Variants in NRAP observed in about 807,000 individuals in gnomAD.
The protein encoded by NRAP is nebulin related anchoring protein.
Under a neutral mutation model 225.9 loss-of-function variants are expected in NRAP, and 189 were observed. That is an observed-to-expected ratio of 0.84 (90% CI 0.74 to 0.94). The LOEUF is 0.94. Ranked by LOEUF, NRAP falls within the 40% of genes least tolerant of loss-of-function variation. The pLI, the probability that NRAP is intolerant of heterozygous loss-of-function variation, is 0.00. For missense variants in NRAP, 2,176 were observed against 2,168.7 expected (o/e 1.00, Z -0.07); for synonymous variants, 769 against 790.7 (o/e 0.97, Z 0.46).
intron 4 of NRAP, among the ~76,000 whole-genome samples, chr10:113,656,419 C>T (rs1162572848): frequency 2.0e-5 from 3 of 152,186 alleles, no homozygotes; most frequent in African/African-American, 4.8e-5. Flanking sequence ...GCAAGCTGTA[C>T]TCTGACCACC....
At chr10:113,589,168 C>A in intron 41 of NRAP, 89 bp from the exon 42 acceptor site, 1 of 1,049,122 alleles carries the variant, frequency 9.5e-7, no homozygotes. Flanking sequence ...CTAAGAAGCA[C>A]AGGGAGCATT....
chr10:113,660,100 TATACATAC>T (rs57098997), intron 3 of NRAP, among the ~76,000 whole-genome samples: 1 of 149,996 alleles, frequency 6.7e-6, no homozygotes, highest in African/African-American at 2.4e-5. Flanking sequence ...TATACACATA[TATACATAC>T]ATACATACAT....
chr10:113,661,510 A>G (rs987181219), intron 3 of NRAP, among the ~76,000 whole-genome samples: 1 of 152,118 alleles, frequency 6.6e-6, no homozygotes, highest in African/African-American at 2.4e-5. Context: ...GTAAAGAGGG[A>G]TCACTAGAGA....
chr10:113,589,899 T>C lies in NRAP; in HGVS notation c.4957-102A>G. 4.6e-6 allele frequency: 6 copies of C among 1,318,384 alleles called. No individual in the cohort carries two copies. The East Asian group carries it at 7.0e-5, about 15-fold the overall frequency. 81.7% of individuals were successfully genotyped at this position (1,318,384 alleles called of 1,614,324 possible). ...AAAAGGCAGCCACAGTATGAGACTA[T>C]GTTGTCTGTCATCAGTAAAGCCAGA... On this transcript the variant is annotated intron_variant, in intron 40 of 41. Coordinates refer to ENST00000359988, the MANE Select transcript of NRAP (RefSeq NM_198060.4).
chr10:113,610,373 A>T (rs1238273333), intron 31 of NRAP, 86 bp downstream of exon 31: 15 of 648,744 alleles, frequency 2.3e-5, no homozygotes, highest in Non-Finnish European at 3.0e-5. Context: ...AAAAAAAAAA[A>T]GGAAGAAAGA....
Position 113,590,736 on chromosome 10 carries a change from A to C in NRAP, c.4798T>G (p.Phe1600Val). The C allele has an allele frequency of 6.2e-7, 1 of 1,614,184 alleles. No individual in the cohort carries two copies. Among genetic ancestry groups the C allele is most frequent in the Non-Finnish European group, 8.5e-7 (1 of 1,180,016 alleles). Residue 1600 changes from phenylalanine (F) to valine (V), a missense_variant, in exon 40 of 42, where the codon TTT becomes GTT. Physicochemically the swap from Phe to Val is conservative, Grantham distance 50. Coordinates refer to ENST00000359988, the MANE Select transcript of NRAP (RefSeq NM_198060.4). ...KKDFAKSRSQ[F>V]HSSTDQPGLL... ...CCGGGCTGGTCTGTGCTGCTGTGAA[A>C]CTGGGACCGACTCTTGGCAAAGTCC...
intron 26 of NRAP, among the ~76,000 whole-genome samples, chr10:113,616,828 A>T (rs1165043564): frequency 6.6e-6 from 1 of 152,206 alleles, no homozygotes; most frequent in African/African-American, 2.4e-5. Flanking sequence ...TCAGCCAAAC[A>T]GGGTTAATCT....
At chr10:113,602,242 A>G (rs1327845591) in intron 35 of NRAP, among the ~76,000 whole-genome samples, 1 of 152,218 alleles carries the variant, frequency 6.6e-6, no homozygotes, top group Non-Finnish European at 1.5e-5. Context: ...ATGGACACAC[A>G]GTGACAGAGC....
chr10:113,641,839 T>G (rs1458093190), intron 12 of NRAP, among the ~76,000 whole-genome samples: 1 of 152,210 alleles, frequency 6.6e-6, no homozygotes. Flanking sequence ...GGACGTCACA[T>G]GCAAAGCCCC....
intron 4 of NRAP, among the ~76,000 whole-genome samples, chr10:113,656,088 C>T (rs999274468): frequency 1.3e-5 from 2 of 151,996 alleles, no homozygotes; most frequent in African/African-American, 2.4e-5. Flanking sequence ...AAAAGCCTAC[C>T]GACCAGCATT....
At chr10:113,657,653 T>C (rs1426425507) in intron 3 of NRAP, 79 bp from the exon 4 acceptor site, 12 of 837,176 alleles carry the variant, frequency 1.4e-5, no homozygotes, top group East Asian at 1.0e-4. Context: ...CTAGCTAAAA[T>C]TGGGGGATTT....
chr10:113,649,362 A>T (rs1015853871), intron 9 of NRAP, among the ~76,000 whole-genome samples: 1 of 152,226 alleles, frequency 6.6e-6, no homozygotes, highest in Non-Finnish European at 1.5e-5. Context: ...CATGGAATGT[A>T]TTCTTCCAAT....
chr10:113,614,997 C>T (rs1278952418), intron 27 of NRAP, 51 bp from the exon 28 acceptor site: 5 of 1,123,784 alleles, frequency 4.4e-6, no homozygotes, highest in African/African-American at 1.5e-5. Context: ...CTGGTGGTTT[C>T]CTAAACTCTG....
In NRAP at chr10:113,653,132, A is replaced by G; in HGVS notation, c.466-93T>C. 5 of 687,066 alleles carry G rather than the reference A, an allele frequency of 7.3e-6. No homozygotes were observed. In the South Asian group the frequency reaches 9.9e-5, roughly 14 times the overall value. 42.6% of individuals were successfully genotyped at this position (687,066 alleles called of 1,614,324 possible). Reference sequence around the variant, plus strand: ...ATAAAACCAATGAAACTAGATTCATAAAGTTCTTCGGAAATATTTCAATCA... The same window carrying G: ...ATAAAACCAATGAAACTAGATTCATGAAGTTCTTCGGAAATATTTCAATCA... On this transcript the variant is annotated intron_variant, in intron 5 of 41. Coordinates refer to ENST00000359988, the MANE Select transcript of NRAP (RefSeq NM_198060.4).
At position 113,618,105 on chromosome 10, in the gene NRAP, T is replaced by C. The variant is rs116715565; in HGVS notation, c.2875-552A>G. 7.6e-3 allele frequency among the ~76,000 whole-genome samples: 1,134 copies of C among 150,034 alleles called. 14 individuals carry two copies. Among genetic ancestry groups the C allele is most frequent in the African/African-American group, 0.026 (1,060 of 40,822 alleles). ...ATTACAATAACAGGAAAAAGGGTGC[T>C]ATTATTCAAAGGAGTCATCACACAG... On this transcript the variant is annotated intron_variant, in intron 25 of 41. Transcript: ENST00000359988.
At chr10:113,604,478 A>G (rs1462312433) in intron 35 of NRAP, 131 bp downstream of exon 35, 4 of 702,916 alleles carry the variant, frequency 5.7e-6, no homozygotes, top group Non-Finnish European at 9.4e-6. Flanking sequence ...GACCCAGCAA[A>G]TCATTGTTTG....
chr10:113,662,271 A>G (rs1850725048), intron 3 of NRAP, among the ~76,000 whole-genome samples: 2 of 152,204 alleles, frequency 1.3e-5, no homozygotes, highest in African/African-American at 4.8e-5. Flanking sequence ...TGGAGTACAT[A>G]TAATATTTTG....
intron 9 of NRAP, among the ~76,000 whole-genome samples, chr10:113,648,467 C>CTCTCTCTCTATATATATA (rs749486311): frequency 4.0e-4 from 35 of 87,386 alleles, no homozygotes; most frequent in African/African-American, 7.2e-4. Flanking sequence ...CTCTCTCTCT[C>CTCTCTCTCTATATATATA]TATATATATA....
rs73354039 is a variant in NRAP, at chr10:113,612,911, G to C, written c.3301-480C>G. Among the ~76,000 whole-genome samples, 1,214 of 152,288 alleles carry C rather than the reference G, an allele frequency of 8.0e-3. 12 individuals carry two copies. Among genetic ancestry groups the C allele is most frequent in the African/African-American group, 0.027 (1,126 of 41,550 alleles). ...CTAGCCAACGTGGGAGCCAGGAGCA[G>C]TGGGGAGGATGCTTGGAGAGTCAAG... is the stretch of plus-strand genomic sequence containing the variant. On this transcript the variant is annotated intron_variant, in intron 29 of 41. Coordinates refer to ENST00000359988, the MANE Select transcript of NRAP (RefSeq NM_198060.4).
Sources: allele counts gnomAD v4.1 joint callset (sites outside exome capture counted in the v4.1 genomes callset), GRCh38; gene constraint gnomAD v4.1.1; transcripts MANE v1.5; gene names NCBI Gene and HGNC (gene_info 2026-07-23, HGNC 2026-07-21).